Variants in PCNX2 observed in about 807,000 individuals in gnomAD.
PCNX2 encodes the protein pecanex 2.
A neutral mutation model predicts 223.8 loss-of-function variants in PCNX2; 168 were observed. That is an observed-to-expected ratio of 0.75 (90% CI 0.66 to 0.85). The LOEUF (loss-of-function observed/expected upper bound fraction) is 0.85. Ranked by LOEUF, PCNX2 falls within the 40% of genes least tolerant of loss-of-function variation. The pLI is 0.00. For synonymous variants in PCNX2, 1,006 were observed against 1,052.6 expected (o/e 0.96, Z 0.86); for missense variants, 2,507 against 2,675.5 (o/e 0.94, Z 1.39).
chr1:233,205,898 G>A (rs550089525), intron 13 of PCNX2, among the ~76,000 whole-genome samples: 3 of 152,190 alleles, frequency 2.0e-5, no homozygotes, highest in African/African-American at 4.8e-5. Flanking sequence ...TATTACAAGT[G>A]TGAGCAGATT....
chr1:233,193,766 A>T (rs1322534635), intron 15 of PCNX2, among the ~76,000 whole-genome samples: 1 of 152,196 alleles, frequency 6.6e-6, no homozygotes, highest in Non-Finnish European at 1.5e-5. Flanking sequence ...TCAAATAGAA[A>T]TGTTGGTTCT....
At chr1:233,206,703 T>C (rs765813934) in intron 13 of PCNX2, among the ~76,000 whole-genome samples, 1 of 152,154 alleles carries the variant, frequency 6.6e-6, no homozygotes, top group Non-Finnish European at 1.5e-5. Flanking sequence ...CTCTGAAGCA[T>C]GGTGCGTAAT....
At chr1:233,315,142 G>A in the PCNX2 span, among the ~76,000 whole-genome samples, 1 of 152,134 alleles carries the variant, frequency 6.6e-6, no homozygotes, top group African/African-American at 2.4e-5. Flanking sequence ...AAGCAGCAAC[G>A]GGAATGGATT....
intron 23 of PCNX2, among the ~76,000 whole-genome samples, chr1:233,082,183 A>G (rs1333286848): frequency 6.6e-6 from 1 of 152,190 alleles, no homozygotes; most frequent in East Asian, 1.9e-4. Flanking sequence ...AATAAGAAAA[A>G]TGAAAGTCTA....
intron 15 of PCNX2, among the ~76,000 whole-genome samples, chr1:233,192,615 CA>C (rs201659544): frequency 2.7e-5 from 4 of 149,764 alleles, no homozygotes; most frequent in African/African-American, 7.4e-5. Flanking sequence ...ACATTTACAT[CA>C]AAAAAAAAGA....
At chr1:233,045,558 C>T (rs1289764812) in intron 25 of PCNX2, among the ~76,000 whole-genome samples, 1 of 152,176 alleles carries the variant, frequency 6.6e-6, no homozygotes, top group Non-Finnish European at 1.5e-5. Flanking sequence ...CATTTTGTGA[C>T]TCTCAGGGAT....
At chr1:233,081,511 G>A (rs902727633) in intron 23 of PCNX2, among the ~76,000 whole-genome samples, 1 of 152,134 alleles carries the variant, frequency 6.6e-6, no homozygotes, top group African/African-American at 2.4e-5. Context: ...AGCGTCTGGA[G>A]CTGTAAGAAC....
At chr1:233,180,064 A>G (rs1679702514) in intron 15 of PCNX2, among the ~76,000 whole-genome samples, 1 of 152,226 alleles carries the variant, frequency 6.6e-6, no homozygotes, top group Admixed American at 6.5e-5. Context: ...CCATTGTTCC[A>G]TCTGCATAGA....
intron 19 of PCNX2, among the ~76,000 whole-genome samples, chr1:233,155,962 T>C (rs1402012151): frequency 6.6e-6 from 1 of 152,140 alleles, no homozygotes; most frequent in Non-Finnish European, 1.5e-5. Flanking sequence ...TAACTTAGCT[T>C]GGGGGGAAAT....
intron 21 of PCNX2, among the ~76,000 whole-genome samples, chr1:233,118,098 A>C (rs1366303997): frequency 6.6e-6 from 1 of 152,230 alleles, no homozygotes; most frequent in Non-Finnish European, 1.5e-5. Flanking sequence ...AAAATCAATC[A>C]ATGTAATCCA....
Position 233,198,963 on chromosome 1 carries a change from G to A in PCNX2, c.3042C>T (p.His1014=), listed in dbSNP as rs760662721. 24 of 1,606,102 alleles carry A rather than the reference G, an allele frequency of 1.5e-5. No individual in the cohort carries two copies. The highest frequency in any genetic ancestry group is 1.1e-4 in the East Asian group (5 of 44,584). The change falls in exon 15 of 34, where the codon CAC becomes CAT. Residue 1014 remains histidine, a synonymous_variant. Transcript: ENST00000258229. The part of the protein sequence containing the change: ...ARSVLAAALL[H]AVCFSAVKEP... The stretch of plus-strand genomic sequence containing the variant: ...CCTTCACTGCACTGAAGCAGACTGC[G>A]TGGAGCAGGGCGGCAGCCAAGACGC...
chr1:233,311,667 G>A, the PCNX2 span, among the ~76,000 whole-genome samples: 1 of 152,106 alleles, frequency 6.6e-6, no homozygotes, highest in Admixed American at 6.6e-5. Context: ...TGTTACTGCA[G>A]CTTAGCCTAT....
At chr1:233,177,474 T>TA (rs1324348981) in intron 17 of PCNX2, among the ~76,000 whole-genome samples, 1 of 152,244 alleles carries the variant, frequency 6.6e-6, no homozygotes. Context: ...TGTCAGGTTA[T>TA]AAATGACCCT....
intron 13 of PCNX2, among the ~76,000 whole-genome samples, chr1:233,206,514 CTTG>C (rs372095412): frequency 4.6e-5 from 7 of 151,788 alleles, no homozygotes; most frequent in Admixed American, 6.6e-5. Flanking sequence ...GAAGGCCTTT[CTTG>C]TTGTGTATGT....
Position 233,295,642 on chromosome 1 carries a change from A to G in PCNX2, c.-164T>C. ...CCTTCCACCCCACGTTTGAAGCTGGAGCTGCTCTTCCGCCCGGACCCGCGA... is the reference window on the plus strand; with the variant it reads ...CCTTCCACCCCACGTTTGAAGCTGGGGCTGCTCTTCCGCCCGGACCCGCGA... On this transcript the variant is annotated 5_prime_UTR_variant, in exon 1 of 34. Transcript: ENST00000258229. This position sits in a 1 kb window ranked among gnomAD's most constrained non-coding sequence, Gnocchi z 4.1. The G allele has an allele frequency of 1.3e-6, 1 of 772,656 alleles. No homozygotes were observed. The highest frequency in any genetic ancestry group is 1.8e-6 in the Non-Finnish European group (1 of 566,030). The allele number at this position is 772,656 out of a possible 1,614,324, so 47.9% of individuals were successfully genotyped here. A position where few individuals can be genotyped will look rare whatever the true frequency, so the allele number is the denominator to read the frequency against.
chr1:233,218,587 C>CA (rs1049389478), intron 10 of PCNX2, among the ~76,000 whole-genome samples: 15 of 151,912 alleles, frequency 9.9e-5, no homozygotes, highest in Non-Finnish European at 1.3e-4. Context: ...TTCATGTTTC[C>CA]AAAAAAATGA....
chr1:233,202,644 G>A (rs995446415), intron 13 of PCNX2, among the ~76,000 whole-genome samples: 11 of 152,296 alleles, frequency 7.2e-5, no homozygotes, highest in African/African-American at 2.2e-4. Flanking sequence ...GGAATGGGAC[G>A]TCTGGGTGTT....
chr1:233,034,412 C>G (rs1172166336), intron 25 of PCNX2, among the ~76,000 whole-genome samples: 1 of 152,204 alleles, frequency 6.6e-6, no homozygotes, highest in African/African-American at 2.4e-5. Flanking sequence ...ACTAGATCTG[C>G]TGGCACCTGA....
chr1:232,996,158 G>A (rs534488625), intron 32 of PCNX2, among the ~76,000 whole-genome samples: 24 of 152,192 alleles, frequency 1.6e-4, no homozygotes, highest in Middle Eastern at 3.4e-3. Flanking sequence ...CACAGCACCC[G>A]GCCTCCAATT....
Sources: gnomAD v4.1 joint callset for allele counts (sites outside exome capture counted in the v4.1 genomes callset) on GRCh38, gnomAD v4.1.1 for gene constraint, Gnocchi (gnomAD v3.1) non-coding constraint, MANE v1.5 for transcripts, NCBI Gene and HGNC (gene_info 2026-07-23, HGNC 2026-07-21) for gene names.